WDR47: variants seen among roughly 807,000 people sequenced by gnomAD.
WDR47 encodes the protein WD repeat domain 47, also known as WD repeat-containing protein 47.
A neutral mutation model predicts 97.2 loss-of-function variants in WDR47; 32 were observed. The observed-to-expected ratio is 0.33, with a 90% confidence interval of 0.25 to 0.44. The LOEUF (loss-of-function observed/expected upper bound fraction) is 0.44. Among genes scored for constraint, WDR47 ranks in the 20% least tolerant of loss-of-function variants. WDR47 has a pLI of 1.00. For synonymous variants in WDR47, 375 were observed against 373.5 expected (o/e 1.00, Z -0.05); for missense variants, 782 against 1,102.3 (o/e 0.71, Z 4.11).
rs116471953 is a variant in WDR47 at position 108,983,966 on chromosome 1, G to C, written c.1926-515C>G. 6.1e-3 allele frequency among the ~76,000 whole-genome samples: 932 copies of C among 152,286 alleles called. 3 individuals are homozygous for C. The highest frequency in any genetic ancestry group is 0.021 in the African/African-American group (859 of 41,562). ...CAAGTATAAGTTGTTACATAGTCCA[G>C]TATAAAGCACTGGGCCTTAAAGGAT... On this transcript the variant is annotated intron_variant, in intron 10 of 14. Coordinates refer to ENST00000369962, the MANE Select transcript of WDR47 (RefSeq NM_001142551.2).
intron 7 of WDR47, 66 bp from the exon 8 acceptor site, chr1:108,995,903 G>A: frequency 2.0e-6 from 3 of 1,494,816 alleles, no homozygotes; most frequent in Non-Finnish European, 2.7e-6. Context: ...TATATACAAG[G>A]TTAAAAGTGT....
At chr1:109,008,910 C>A (rs1660832611) in intron 5 of WDR47, among the ~76,000 whole-genome samples, 1 of 152,030 alleles carries the variant, frequency 6.6e-6, no homozygotes, top group Non-Finnish European at 1.5e-5. Flanking sequence ...ACCCAGTTCA[C>A]CTGCTCTAAT....
chr1:108,978,595 G>A (rs1490941502), intron 13 of WDR47, among the ~76,000 whole-genome samples: 4 of 152,194 alleles, frequency 2.6e-5, no homozygotes, highest in Non-Finnish European at 5.9e-5. Flanking sequence ...CTTAAAGCCG[G>A]GGAAATGGAT....
chr1:109,034,872 A>C (rs1376581999), intron 1 of WDR47, among the ~76,000 whole-genome samples: 1 of 152,210 alleles, frequency 6.6e-6, no homozygotes, highest in African/African-American at 2.4e-5. Flanking sequence ...TAGTACAGCT[A>C]TCAATAAATA....
At chr1:109,027,246 G>A (rs979659909) in intron 1 of WDR47, among the ~76,000 whole-genome samples, 2 of 151,950 alleles carry the variant, frequency 1.3e-5, no homozygotes, top group Non-Finnish European at 2.9e-5. Flanking sequence ...AGTAGAGACG[G>A]GGTTTCGCCA....
At chr1:109,002,879 C>T (rs1660322662) in intron 6 of WDR47, among the ~76,000 whole-genome samples, 1 of 152,068 alleles carries the variant, frequency 6.6e-6, no homozygotes, top group African/African-American at 2.4e-5. Flanking sequence ...TTACACACTG[C>T]TGGAGGGAAT....
chr1:109,041,417 G>A (rs1205265763), intron 1 of WDR47: 4 of 152,234 alleles, frequency 2.6e-5, no homozygotes, highest in Admixed American at 1.3e-4. Flanking sequence ...TCCGGGCCAA[G>A]GCGTGCCCAG....
At chr1:109,009,424 T>G (rs1381716374) in intron 5 of WDR47, among the ~76,000 whole-genome samples, 1 of 152,220 alleles carries the variant, frequency 6.6e-6, no homozygotes, top group Non-Finnish European at 1.5e-5. Flanking sequence ...CCTTCATATG[T>G]ATAAGAATCA....
intron 9 of WDR47, 155 bp from the exon 10 acceptor site, chr1:108,986,835 C>T: frequency 1.6e-6 from 1 of 640,110 alleles, no homozygotes; most frequent in Non-Finnish European, 2.5e-6. Context: ...CTATGTTTTT[C>T]TTACTTTATT....
chr1:109,029,006 TAA>T (rs1225514334), intron 1 of WDR47, among the ~76,000 whole-genome samples: 1 of 152,144 alleles, frequency 6.6e-6, no homozygotes, highest in African/African-American at 2.4e-5. Flanking sequence ...GGTAAAGAAA[TAA>T]GAGTGTTCTT....
Position 109,013,721 on chromosome 1 carries a change from C to T in WDR47, c.327+120G>A, listed in dbSNP as rs1661209377. Reference sequence around the variant, plus strand: ...TACACCTGGAAAACACCAGATCTTGCCCCATCCCAGCTCATAAAAACTCTG... The same window carrying T: ...TACACCTGGAAAACACCAGATCTTGTCCCATCCCAGCTCATAAAAACTCTG... On this transcript the variant is annotated intron_variant, in intron 4 of 14. Coordinates refer to ENST00000369962, the MANE Select transcript of WDR47 (RefSeq NM_001142551.2). The T allele has an allele frequency of 1.2e-5, 12 of 977,032 alleles. No individual in the cohort carries two copies. In the South Asian group the frequency reaches 1.8e-4, roughly 15 times the overall value. 60.5% of individuals were successfully genotyped at this position (977,032 alleles called of 1,614,324 possible). A position where few individuals can be genotyped will look rare whatever the true frequency, so the allele number is the denominator to read the frequency against.
At chr1:109,004,496 C>G (rs1660439966) in intron 6 of WDR47, 96 bp downstream of exon 6, 1 of 1,390,230 alleles carries the variant, frequency 7.2e-7, no homozygotes, top group African/African-American at 1.5e-5. Flanking sequence ...TTTCCTACTC[C>G]CAAATATCAG....
At chr1:109,039,683 C>T (rs1663210404) in intron 1 of WDR47, among the ~76,000 whole-genome samples, 1 of 151,688 alleles carries the variant, frequency 6.6e-6, no homozygotes, top group African/African-American at 2.4e-5. Flanking sequence ...GAAGTATCCT[C>T]AGGTGTGGGC....
intron 1 of WDR47, among the ~76,000 whole-genome samples, chr1:109,030,629 C>CCTA (rs1279700077): frequency 1.1e-5 from 1 of 90,124 alleles, no homozygotes; most frequent in African/African-American, 3.6e-5. Flanking sequence ...TTACAGAGTG[C>CCTA]CTAACATGGA....
intron 3 of WDR47, among the ~76,000 whole-genome samples, 186 bp downstream of exon 3, chr1:109,017,332 G>A (rs1661491341): frequency 1.3e-5 from 2 of 152,156 alleles, no homozygotes; most frequent in South Asian, 4.1e-4. Context: ...GAGCCCAGGA[G>A]ACCAAGGCTG....
intron 13 of WDR47, 22 bp downstream of exon 13, chr1:108,981,711 T>C: frequency 1.2e-6 from 2 of 1,602,654 alleles, no homozygotes; most frequent in Non-Finnish European, 1.7e-6. Context: ...TTCCCATATA[T>C]ATCATTTAAA....
intron 10 of WDR47, among the ~76,000 whole-genome samples, chr1:108,985,731 C>T (rs1387069800): frequency 6.6e-6 from 1 of 152,050 alleles, no homozygotes; most frequent in Non-Finnish European, 1.5e-5. Flanking sequence ...AAACAGTTAC[C>T]TTAAGTTCAA....
intron 2 of WDR47, among the ~76,000 whole-genome samples, chr1:109,018,837 A>G (rs1394004440): frequency 6.6e-6 from 1 of 151,968 alleles, no homozygotes; most frequent in African/African-American, 2.4e-5. Flanking sequence ...CAAAAAAGAA[A>G]GAACAGGTGA....
chr1:108,988,256 A>G (rs914054441), intron 9 of WDR47, among the ~76,000 whole-genome samples: 1 of 150,834 alleles, frequency 6.6e-6, no homozygotes, highest in Admixed American at 6.6e-5. Context: ...CCAAGAAGGA[A>G]GGAAAGAATA....
Sources: allele counts gnomAD v4.1 joint callset (sites outside exome capture counted in the v4.1 genomes callset), GRCh38; gene constraint gnomAD v4.1.1; transcripts MANE v1.5; gene names NCBI Gene and HGNC (gene_info 2026-07-23, HGNC 2026-07-21).